The following PANK1 variants were observed in gnomAD, a reference collection of about 807,000 sequenced individuals.
The protein encoded by PANK1 is pantothenic acid kinase 1.
PANK1 carries 18 observed loss-of-function variants against 40.1 expected under a neutral mutation model. The observed-to-expected ratio is 0.45, with a 90% CI of 0.31 to 0.67. PANK1 has a LOEUF of 0.67. PANK1 is among the 30% of genes least tolerant of loss of function. The pLI is 0.06. For missense variants in PANK1, 457 were observed against 599.6 expected, an observed-to-expected ratio of 0.76 and a Z score of 2.48; for synonymous variants, 242 against 237.7, an observed-to-expected ratio of 1.02 and a Z score of -0.17.
At chr10:89,615,428 T>C (rs1265197894) in intron 1 of PANK1, among the ~76,000 whole-genome samples, 1 of 152,202 alleles carries the variant, frequency 6.6e-6, no homozygotes, top group Non-Finnish European at 1.5e-5. Flanking sequence ...AGAACCCTGG[T>C]TCCTTCCTCC....
At chr10:89,600,434 C>T (rs1345819890) in intron 2 of PANK1, among the ~76,000 whole-genome samples, 2 of 152,170 alleles carry the variant, frequency 1.3e-5, no homozygotes, top group Non-Finnish European at 2.9e-5. Context: ...TGAATGATTT[C>T]TCAAACCTCA....
chr10:89,620,782 C>G (rs1198338047), intron 1 of PANK1, among the ~76,000 whole-genome samples: 1 of 152,172 alleles, frequency 6.6e-6, no homozygotes, highest in Non-Finnish European at 1.5e-5. Context: ...GGGGGCATCA[C>G]AGAACCTGCC....
intron 1 of PANK1, among the ~76,000 whole-genome samples, chr10:89,616,482 A>T (rs1272542354): frequency 6.6e-6 from 1 of 152,222 alleles, no homozygotes; most frequent in Non-Finnish European, 1.5e-5. Flanking sequence ...AAGGCATTTT[A>T]GAGCTGTTTG....
chr10:89,595,829 AAAAAATAT>A (rs1439614592), intron 3 of PANK1, among the ~76,000 whole-genome samples: 47 of 66,660 alleles, frequency 7.1e-4, no homozygotes, highest in African/African-American at 3.5e-3. Context: ...AAAAAAAAAA[AAAAAATAT>A]ATATATATAT....
At chr10:89,615,503 T>C (rs1845290638) in intron 1 of PANK1, among the ~76,000 whole-genome samples, 1 of 152,158 alleles carries the variant, frequency 6.6e-6, no homozygotes, top group Non-Finnish European at 1.5e-5. Flanking sequence ...ACAGAACAAT[T>C]GGAAAAAGTA....
chr10:89,644,948 C>A lies in PANK1; in HGVS notation c.-57G>T. ...CGGCTCAGGCGGCCTCGCTGGAGGT[C>A]ATTCTCCGGCGTCTTTATTTCCCCG... On this transcript the variant is annotated 5_prime_UTR_variant, in exon 1 of 7. The change abolishes an upstream ATG in the 5' untranslated region. Coordinates refer to ENST00000307534, the MANE Select transcript of PANK1 (RefSeq NM_148977.3). 2 of 1,570,916 alleles carry A rather than the reference C, an allele frequency of 1.3e-6. No homozygotes were observed. Among genetic ancestry groups the A allele is most frequent in the South Asian group, 1.2e-5 (1 of 86,452 alleles).
At chr10:89,600,026 A>T (rs1844728605) in intron 2 of PANK1, among the ~76,000 whole-genome samples, 3 of 152,312 alleles carry the variant, frequency 2.0e-5, no homozygotes, top group Non-Finnish European at 4.4e-5. Flanking sequence ...ATGAATGCTG[A>T]CAGCCACCAG....
intron 1 of PANK1, among the ~76,000 whole-genome samples, chr10:89,635,878 C>T (rs1376163606): frequency 1.3e-5 from 2 of 152,236 alleles, no homozygotes; most frequent in Non-Finnish European, 2.9e-5. Flanking sequence ...CAATCCAAAA[C>T]CCAACAGGGC....
Position 89,635,141 on chromosome 10 carries a change from T to G in PANK1, c.292+9459A>C, listed in dbSNP as rs112868981. 6.4e-3 allele frequency among the ~76,000 whole-genome samples: 949 copies of G among 148,850 alleles called. 3 individuals carry two copies. The highest frequency in any genetic ancestry group is 0.013 in the African/African-American group (529 of 40,906). Reference sequence around the variant, plus strand: ...ATCATTTAGCAAATATATATATATATATAGAGAGAGAGAGAGATAAAATGT... The same window carrying G: ...ATCATTTAGCAAATATATATATATAGATAGAGAGAGAGAGAGATAAAATGT... On this transcript the variant is annotated intron_variant, in intron 1 of 6. Coordinates refer to ENST00000307534, the MANE Select transcript of PANK1 (RefSeq NM_148977.3).
chr10:89,613,182 C>G (rs190395505), intron 1 of PANK1, among the ~76,000 whole-genome samples: 1 of 152,286 alleles, frequency 6.6e-6, no homozygotes, highest in Non-Finnish European at 1.5e-5. Flanking sequence ...AGAGCAAACC[C>G]AAATGGGAAC....
downstream of PANK1, chr10:89,580,796 T>C (rs1349695990): frequency 6.6e-6 from 1 of 152,220 alleles, no homozygotes. Flanking sequence ...TTGCAGTTCC[T>C]CAAATCCCTA....
intron 1 of PANK1, among the ~76,000 whole-genome samples, chr10:89,619,689 G>A (rs1050586948): frequency 7.2e-5 from 11 of 152,220 alleles, no homozygotes; most frequent in Admixed American, 2.0e-4. Context: ...GCCATGGAGA[G>A]TAACAATTCT....
chr10:89,631,987 T>A (rs1056684681), intron 1 of PANK1, among the ~76,000 whole-genome samples: 25 of 150,702 alleles, frequency 1.7e-4, no homozygotes, highest in Non-Finnish European at 2.5e-4. Context: ...TTTTTTTTTT[T>A]AAAAAGGGTT....
chr10:89,643,573 G>T, intron 1 of PANK1: 1 of 689,102 alleles, frequency 1.5e-6, no homozygotes, highest in Non-Finnish European at 2.5e-6. Flanking sequence ...AGGGAAAAGT[G>T]AAGGTGTTAT....
intron 1 of PANK1, among the ~76,000 whole-genome samples, chr10:89,616,250 C>T (rs1410090527): frequency 6.6e-6 from 1 of 152,182 alleles, no homozygotes; most frequent in African/African-American, 2.4e-5. Context: ...AATGGCTGTA[C>T]ATCCATCTTT....
intron 1 of PANK1, among the ~76,000 whole-genome samples, chr10:89,640,249 C>T (rs1176971866): frequency 1.3e-5 from 2 of 152,208 alleles, no homozygotes; most frequent in Admixed American, 1.3e-4. Context: ...AAGCTACTGT[C>T]ATGACTTTTT....
chr10:89,644,530 C>G, intron 1 of PANK1, 70 bp downstream of exon 1: 1 of 1,403,302 alleles, frequency 7.1e-7, no homozygotes, highest in South Asian at 1.3e-5. Flanking sequence ...CCTGCCTCAG[C>G]CGCTCCCAGT....
chr10:89,599,561 G>C, intron 2 of PANK1, 56 bp from the exon 3 acceptor site: 1 of 1,539,002 alleles, frequency 6.5e-7, no homozygotes, highest in East Asian at 2.3e-5. Flanking sequence ...CCATCTAAGG[G>C]GAAGCCCCAG....
intron 1 of PANK1, among the ~76,000 whole-genome samples, chr10:89,617,093 C>G (rs2133973183): frequency 6.6e-6 from 1 of 152,344 alleles, no homozygotes; most frequent in East Asian, 1.9e-4. Flanking sequence ...TCCAGGTAAC[C>G]CACAATGAAC....
Sources: allele counts gnomAD v4.1 joint callset (sites outside exome capture counted in the v4.1 genomes callset), GRCh38; gene constraint gnomAD v4.1.1; transcripts MANE v1.5; gene names NCBI Gene and HGNC (gene_info 2026-07-23, HGNC 2026-07-21).